The following YWHAQ variants were observed in gnomAD, a reference collection of about 807,000 sequenced individuals.
The protein encoded by YWHAQ is 14-3-3 protein theta.
In YWHAQ, 6 loss-of-function variants were observed where a neutral mutation model predicts 28.3. The observed-to-expected ratio is 0.21, with a 90% CI of 0.12 to 0.42. YWHAQ has a LOEUF of 0.42. Ranked by LOEUF, YWHAQ falls within the 10% of genes least tolerant of loss-of-function variation. YWHAQ has a pLI of 1.00. For missense variants in YWHAQ, 201 were observed against 305.6 expected, an observed-to-expected ratio of 0.66 and a Z score of 2.55; for synonymous variants, 143 against 119.1, an observed-to-expected ratio of 1.20 and a Z score of -1.31.
Position 9,630,062 on chromosome 2 carries a change from G to C in YWHAQ, c.294+97C>G, listed in dbSNP as rs1449109639. Reference sequence around the variant, plus strand: ...AACCCTCCACCCCAGCAGACAGTCCGGCAAGCCCCGGCTCACGTTTGTTTC... The same window carrying C: ...AACCCTCCACCCCAGCAGACAGTCCCGCAAGCCCCGGCTCACGTTTGTTTC... On this transcript the variant is annotated intron_variant, in intron 2 of 5. Coordinates refer to ENST00000238081, the MANE Select transcript of YWHAQ (RefSeq NM_006826.4). The surrounding 1 kb of genome is among the most constrained non-coding windows in gnomAD (Gnocchi z 5.6). 7 of 1,503,658 alleles carry C rather than the reference G, an allele frequency of 4.7e-6. No individual in the cohort carries two copies. The highest frequency in any genetic ancestry group is 6.3e-6 in the Non-Finnish European group (7 of 1,110,850). 93.1% of individuals were successfully genotyped at this position (1,503,658 alleles called of 1,614,324 possible).
Position 9,630,491 on chromosome 2 carries a change from G to T in YWHAQ, c.-39C>A. On this transcript the variant is annotated 5_prime_UTR_variant, in exon 2 of 6. Coordinates refer to ENST00000238081, the MANE Select transcript of YWHAQ (RefSeq NM_006826.4). The surrounding 1 kb of genome is among the most constrained non-coding windows in gnomAD (Gnocchi z 5.6). ...CCGGGGCCGGGGCGGAGGGCGAGGA[G>T]AGCGAGGGCGAGCGCCGACCCGCAG... The T allele has an allele frequency of 6.8e-7, 1 of 1,471,078 alleles. No individual in the cohort carries two copies. Among genetic ancestry groups the T allele is most frequent in the Non-Finnish European group, 9.1e-7 (1 of 1,093,766 alleles). The allele number at this position is 1,471,078 out of a possible 1,614,324, so 91.1% of individuals were successfully genotyped here.
chr2:9,621,797 T>C (rs1037169362), intron 2 of YWHAQ, among the ~76,000 whole-genome samples: 3 of 152,018 alleles, frequency 2.0e-5, no homozygotes, highest in African/African-American at 4.8e-5. Flanking sequence ...CAAATGCCCA[T>C]CAACGATAAA....
chr2:9,619,358 G>A (rs1193857134), intron 2 of YWHAQ, among the ~76,000 whole-genome samples: 1 of 152,080 alleles, frequency 6.6e-6, no homozygotes, highest in East Asian at 1.9e-4. Flanking sequence ...CTGCATCAGT[G>A]TACACTGTAC....
chr2:9,617,632 C>T (rs1446036239), intron 2 of YWHAQ, among the ~76,000 whole-genome samples: 1 of 152,130 alleles, frequency 6.6e-6, no homozygotes, highest in Admixed American at 6.5e-5. Context: ...TATCTTACCA[C>T]ACTATAAGAG....
chr2:9,590,918 G>A (rs937264817), intron 3 of YWHAQ, among the ~76,000 whole-genome samples: 2 of 152,106 alleles, frequency 1.3e-5, no homozygotes, highest in East Asian at 1.9e-4. Context: ...TATGTAATTA[G>A]CAGTCAATGT....
At chr2:9,597,843 G>A (rs565787374) in intron 2 of YWHAQ, among the ~76,000 whole-genome samples, 4 of 150,556 alleles carry the variant, frequency 2.7e-5, no homozygotes, top group South Asian at 4.2e-4. Flanking sequence ...AGGCTGGAGT[G>A]CAATGGTGCG....
intron 2 of YWHAQ, among the ~76,000 whole-genome samples, chr2:9,594,935 C>G (rs757316095): frequency 6.6e-6 from 1 of 152,228 alleles, no homozygotes; most frequent in Admixed American, 6.5e-5. Flanking sequence ...AGCTGCCAAA[C>G]AGCTACTGCA....
At chr2:9,622,292 G>T (rs62119433) in intron 2 of YWHAQ, among the ~76,000 whole-genome samples, 19,827 of 151,690 alleles carry the variant, frequency 0.13, 1,613 homozygotes, top group Middle Eastern at 0.2. Context: ...TAAACAGGTT[G>T]TGTTTGTTCT....
At chr2:9,593,236 CTT>C (rs34085406) in intron 2 of YWHAQ, among the ~76,000 whole-genome samples, 24,814 of 114,910 alleles carry the variant, frequency 0.22, 2,247 homozygotes, top group Middle Eastern at 0.3. Context: ...GCATCCATGT[CTT>C]TTTTTTTTTT....
chr2:9,607,632 T>A (rs906327321), intron 2 of YWHAQ, among the ~76,000 whole-genome samples: 3 of 151,848 alleles, frequency 2.0e-5, no homozygotes, highest in Non-Finnish European at 4.4e-5. Context: ...TTAGTTGAAA[T>A]GCAAGTCTGA....
chr2:9,586,380 A>C (rs546407414), intron 5 of YWHAQ, among the ~76,000 whole-genome samples: 2 of 152,378 alleles, frequency 1.3e-5, no homozygotes, highest in South Asian at 4.1e-4. Context: ...GAAAAGCCAG[A>C]ATCTTACATA....
At chr2:9,605,727 ATTT>A (rs540959701) in intron 2 of YWHAQ, among the ~76,000 whole-genome samples, 3 of 142,906 alleles carry the variant, frequency 2.1e-5, no homozygotes, top group Middle Eastern at 3.6e-3. Flanking sequence ...TGACCGGCTA[ATTT>A]TTTTTTTTTT....
rs1666332826 is a variant in YWHAQ at position 9,585,814 on chromosome 2, G to GA, written c.679-470dup. Reference sequence around the variant, plus strand: ...TACAGTCCTAACTACTCAGGAGGCTGAGGCAGGAGGACTGCTTGAATCCAG... The same window carrying GA: ...TACAGTCCTAACTACTCAGGAGGCTGAAGGCAGGAGGACTGCTTGAATCCAG... On this transcript the variant is annotated intron_variant, in intron 5 of 5. Transcript: ENST00000238081. Among the ~76,000 whole-genome samples, 4 of 151,616 alleles carry GA rather than the reference G, an allele frequency of 2.6e-5. No homozygotes were observed. In the South Asian group the frequency reaches 8.3e-4, roughly 32 times the overall value.
rs557367833 is a variant in YWHAQ, at chr2:9,599,753, T to C, written c.295-8238A>G. Among the ~76,000 whole-genome samples, 12 of 152,340 alleles carry C rather than the reference T, an allele frequency of 7.9e-5. 1 individual carries two copies. In the East Asian group the frequency reaches 2.3e-3, roughly 29 times the overall value. On this transcript the variant is annotated intron_variant, in intron 2 of 5. Coordinates refer to ENST00000238081, the MANE Select transcript of YWHAQ (RefSeq NM_006826.4). ...GTTTACCAAAGAGCTCTGAGGGAGA[T>C]GTACAAGATTAATGCTGTTTTCATG... is the stretch of plus-strand genomic sequence containing the variant.
intron 2 of YWHAQ, among the ~76,000 whole-genome samples, chr2:9,593,090 C>T (rs1042340503): frequency 6.6e-6 from 1 of 152,150 alleles, no homozygotes; most frequent in African/African-American, 2.4e-5. Flanking sequence ...GGAGAATTAA[C>T]AAGTAAGGTT....
Position 9,630,460 on chromosome 2 carries a change from GCGGGGC to G in YWHAQ, c.-14_-9del, listed in dbSNP as rs200302461. On this transcript the variant is annotated 5_prime_UTR_variant, in exon 2 of 6. Transcript: ENST00000238081. This position sits in a 1 kb window ranked among gnomAD's most constrained non-coding sequence, Gnocchi z 5.6. ...CAGCTCAGTCTTCTCCATGGCGGGC[GCGGGGC>G]CGGGGCCGGGGCGGAGGGCGAGGAG... 68 of 1,575,586 alleles carry G rather than the reference GCGGGGC, an allele frequency of 4.3e-5. No homozygotes were observed. The highest frequency in any genetic ancestry group is 1.2e-4 in the Admixed American group (7 of 58,378).
At chr2:9,597,367 G>A (rs1213080605) in intron 2 of YWHAQ, among the ~76,000 whole-genome samples, 1 of 152,110 alleles carries the variant, frequency 6.6e-6, no homozygotes, top group Non-Finnish European at 1.5e-5. Flanking sequence ...GAATTGTTGG[G>A]GCAGACACAG....
At chr2:9,597,983 C>CTTTTTTTTTTTTTT (rs1558543507) in intron 2 of YWHAQ, among the ~76,000 whole-genome samples, 1 of 79,090 alleles carries the variant, frequency 1.3e-5, no homozygotes, top group African/African-American at 8.3e-5. Flanking sequence ...CCATGCCGGG[C>CTTTTTTTTTTTTTT]TATTTTTTTT....
chr2:9,591,802 C>G (rs914229670), intron 2 of YWHAQ, among the ~76,000 whole-genome samples: 1 of 152,202 alleles, frequency 6.6e-6, no homozygotes, highest in Non-Finnish European at 1.5e-5. Flanking sequence ...TTCACTCATC[C>G]ATTCATTCAA....
Sources: allele counts gnomAD v4.1 joint callset (sites outside exome capture counted in the v4.1 genomes callset), GRCh38; gene constraint gnomAD v4.1.1; non-coding constraint Gnocchi (gnomAD v3.1); transcripts MANE v1.5; gene names NCBI Gene and HGNC (gene_info 2026-07-23, HGNC 2026-07-21).